Variants in BABAM2 observed in about 807,000 individuals in gnomAD.
The protein encoded by BABAM2 is BRISC and BRCA1-A complex member 2.
Under a neutral mutation model 54.7 loss-of-function variants are expected in BABAM2, and 31 were observed. The ratio of observed to expected loss-of-function variants is 0.57; its 90% CI spans 0.43 to 0.77. BABAM2 has a LOEUF of 0.77. BABAM2 is among the 30% of genes least tolerant of loss of function. The pLI is 0.00. For synonymous variants in BABAM2, 167 were observed against 162.9 expected (o/e 1.03, Z -0.19); for missense variants, 364 against 455.8 (o/e 0.80, Z 1.83).
At position 28,057,149 on chromosome 2, in the gene BABAM2, C is replaced by A. The variant is rs542915210; in HGVS notation, c.570+11350C>A. Among the ~76,000 whole-genome samples the A allele has an allele frequency of 2.0e-5, 3 of 152,314 alleles. No individual in the cohort carries two copies. In the South Asian group the frequency reaches 6.2e-4, roughly 32 times the overall value. ...TTTAGGGAGTGTTCCAGATTGCCAGCATCTCTCTTAAACTGTGGTGCCCAA... is the reference window on the plus strand; with the variant it reads ...TTTAGGGAGTGTTCCAGATTGCCAGAATCTCTCTTAAACTGTGGTGCCCAA... On this transcript the variant is annotated intron_variant, in intron 6 of 11. Coordinates refer to ENST00000379624, the MANE Select transcript of BABAM2 (RefSeq NM_199191.3).
At chr2:28,284,812 T>C (rs892544788) in intron 10 of BABAM2, among the ~76,000 whole-genome samples, 1 of 152,210 alleles carries the variant, frequency 6.6e-6, no homozygotes, top group African/African-American at 2.4e-5. Flanking sequence ...AGAAATTATA[T>C]AGACTCAGGT....
chr2:28,230,465 C>T (rs1681272340), intron 7 of BABAM2, among the ~76,000 whole-genome samples: 1 of 151,734 alleles, frequency 6.6e-6, no homozygotes, highest in Non-Finnish European at 1.5e-5. Context: ...CCTGTAAACC[C>T]AGCACTTTGG....
At chr2:28,017,216 T>C (rs1008053397) in intron 4 of BABAM2, among the ~76,000 whole-genome samples, 1 of 152,244 alleles carries the variant, frequency 6.6e-6, no homozygotes, top group African/African-American at 2.4e-5. Flanking sequence ...TAAACACTTA[T>C]TGCTGATAAT....
intron 4 of BABAM2, among the ~76,000 whole-genome samples, chr2:28,013,665 TAAAA>T (rs55636414): frequency 5.2e-4 from 30 of 58,068 alleles, no homozygotes; most frequent in East Asian, 1.9e-3. Flanking sequence ...GTCCAGCAAG[TAAAA>T]AAAAAAAAAA....
At chr2:28,277,230 C>A (rs1414755648) in intron 10 of BABAM2, among the ~76,000 whole-genome samples, 1 of 152,142 alleles carries the variant, frequency 6.6e-6, no homozygotes, top group Non-Finnish European at 1.5e-5. Flanking sequence ...CTCAGCTTCC[C>A]GAGTAGCTGG....
chr2:28,182,497 CTG>C (rs1325592982), intron 7 of BABAM2, among the ~76,000 whole-genome samples: 1 of 152,144 alleles, frequency 6.6e-6, no homozygotes. Flanking sequence ...AGTTAGGAAA[CTG>C]TGGAACAGAG....
At chr2:28,022,603 A>G (rs765475108) in intron 4 of BABAM2, among the ~76,000 whole-genome samples, 4 of 151,862 alleles carry the variant, frequency 2.6e-5, no homozygotes, top group Non-Finnish European at 4.4e-5. Flanking sequence ...CCTTTTTTGT[A>G]TGCTCTTTTC....
rs189360996 is a variant in BABAM2 at position 28,328,539 on chromosome 2, C to T, written c.1089-9911C>T. On this transcript the variant is annotated intron_variant, in intron 11 of 11. Transcript: ENST00000379624. The stretch of plus-strand genomic sequence containing the variant: ...TGACTCTAGCAAACATCATGAGGCT[C>T]ATCTTACAATTACCCAAAGAAAAGC... Among the ~76,000 whole-genome samples, 208 of 152,312 alleles carry T rather than the reference C, an allele frequency of 1.4e-3. 2 individuals are homozygous for T. The highest frequency in any genetic ancestry group is 4.5e-3 in the African/African-American group (188 of 41,568).
Position 28,288,620 on chromosome 2 carries a change from G to A in BABAM2, c.935-9718G>A, listed in dbSNP as rs114587412. Among the ~76,000 whole-genome samples the A allele has an allele frequency of 2.9e-3, 437 of 152,096 alleles. 2 individuals are homozygous for A. Among genetic ancestry groups the A allele is most frequent in the Admixed American group, 6.6e-3 (101 of 15,274 alleles). ...GGATAGATTATGGCTTTTCTACATCGAATATGAGATACCAAAGGAGCAAAA... is the reference window on the plus strand; with the variant it reads ...GGATAGATTATGGCTTTTCTACATCAAATATGAGATACCAAAGGAGCAAAA... On this transcript the variant is annotated intron_variant, in intron 10 of 11. Transcript: ENST00000379624.
chr2:28,109,364 A>G (rs1161084110), intron 6 of BABAM2, among the ~76,000 whole-genome samples: 7 of 151,558 alleles, frequency 4.6e-5, no homozygotes, highest in Non-Finnish European at 1.0e-4. Flanking sequence ...AATTTTTTGT[A>G]TTTTTAGTAG....
At chr2:28,052,918 A>G (rs1238043956) in intron 6 of BABAM2, among the ~76,000 whole-genome samples, 1 of 152,132 alleles carries the variant, frequency 6.6e-6, no homozygotes, top group African/African-American at 2.4e-5. Context: ...AGAACATTAG[A>G]CTGATTAACG....
rs924413242 is a variant in BABAM2, at chr2:28,338,795, G to A, written c.*282G>A. The A allele has an allele frequency of 7.9e-6, 3 of 381,984 alleles. No homozygotes were observed. The highest frequency in any genetic ancestry group is 5.5e-5 in the East Asian group (1 of 18,050). 23.7% of individuals were successfully genotyped at this position (381,984 alleles called of 1,614,324 possible). ...ACAAATTATGGTGCAGTAATTTTCC[G>A]GGGAAAGTAAAGCCTCAGGAATGCC... On this transcript the variant is annotated 3_prime_UTR_variant, in exon 12 of 12. Transcript: ENST00000379624.
chr2:27,889,721 A>G (rs751320724), upstream of BABAM2, among the ~76,000 whole-genome samples: 28 of 152,248 alleles, frequency 1.8e-4, no homozygotes, highest in Non-Finnish European at 3.2e-4. Context: ...ATACTGCAGT[A>G]ATGCCGACAA....
intron 11 of BABAM2, among the ~76,000 whole-genome samples, chr2:28,303,294 A>T (rs367823666): frequency 1.2e-4 from 18 of 152,242 alleles, no homozygotes; most frequent in Admixed American, 8.5e-4. Context: ...AAATTATCCT[A>T]TGTTTTCTTC....
chr2:28,185,064 A>G (rs1676138920), intron 7 of BABAM2, among the ~76,000 whole-genome samples: 1 of 152,232 alleles, frequency 6.6e-6, no homozygotes, highest in African/African-American at 2.4e-5. Flanking sequence ...TATTTAAACT[A>G]TGGTGACTAT....
Position 28,129,315 on chromosome 2 carries a change from T to G in BABAM2, c.615T>G (p.Val205=). The G allele has an allele frequency of 6.2e-7, 1 of 1,614,188 alleles. No individual in the cohort carries two copies. The highest frequency in any genetic ancestry group is 8.5e-7 in the Non-Finnish European group (1 of 1,180,024). ...DPGEDVALLS[V]SFEDTEATQV... ...GAGAAGATGTGGCCCTCCTCTCTGTTAGTTTTGAGGACACTGAAGCCACCC... is the reference window on the plus strand; with the variant it reads ...GAGAAGATGTGGCCCTCCTCTCTGTGAGTTTTGAGGACACTGAAGCCACCC... The change falls in exon 7 of 12, where the codon GTT becomes GTG. Residue 205 remains valine, a synonymous_variant. Coordinates refer to ENST00000379624, the MANE Select transcript of BABAM2 (RefSeq NM_199191.3).
chr2:28,028,209 A>G (rs1379848174), intron 5 of BABAM2, among the ~76,000 whole-genome samples: 2 of 152,166 alleles, frequency 1.3e-5, no homozygotes, highest in Non-Finnish European at 2.9e-5. Context: ...GGCCGCCTTC[A>G]ACTCCTTGCC....
In BABAM2 at chr2:28,259,857, T is replaced by C. The variant is rs905712431; in HGVS notation, c.934+14995T>C. On this transcript the variant is annotated intron_variant, in intron 10 of 11. Coordinates refer to ENST00000379624, the MANE Select transcript of BABAM2 (RefSeq NM_199191.3). ...TTCCCCATTAAATTACCTTAGCACC[T>C]TTCTCAAAAGTCAGTTGACCATATA... 1.2e-4 allele frequency among the ~76,000 whole-genome samples: 19 copies of C among 152,272 alleles called. No homozygotes were observed. The East Asian group carries it at 3.5e-3, about 28-fold the overall frequency.
chr2:28,314,001 T>C (rs1689300108), intron 11 of BABAM2, among the ~76,000 whole-genome samples: 1 of 152,158 alleles, frequency 6.6e-6, no homozygotes, highest in African/African-American at 2.4e-5. Context: ...TATTGATCAT[T>C]TGGGAGACTG....
Sources: gnomAD v4.1 joint callset for allele counts (sites outside exome capture counted in the v4.1 genomes callset) on GRCh38, gnomAD v4.1.1 for gene constraint, MANE v1.5 for transcripts, NCBI Gene and HGNC (gene_info 2026-07-23, HGNC 2026-07-21) for gene names.